The following CBX3 variants were observed in gnomAD, a reference collection of about 807,000 sequenced individuals.
The protein encoded by CBX3 is chromobox 3.
In CBX3, 5 loss-of-function variants were observed where a neutral mutation model predicts 22.6. The observed-to-expected ratio is 0.22, with a 90% CI of 0.12 to 0.47. The LOEUF is 0.47. CBX3 is among the 20% of genes least tolerant of loss of function. CBX3 has a pLI of 0.99. For synonymous variants in CBX3, 50 were observed against 66.6 expected (o/e 0.75, Z 1.21); for missense variants, 83 against 208.1 (o/e 0.40, Z 3.70).
At chr7:26,202,858 T>C in intron 1 of CBX3, 113 bp from the exon 2 acceptor site, 1 of 750,106 alleles carries the variant, frequency 1.3e-6, no homozygotes, top group Non-Finnish European at 2.4e-6. Flanking sequence ...GGATTTGTAT[T>C]CACGTTTGAA....
In CBX3 at chr7:26,208,490, A is replaced by G. The variant is rs1409530392; in HGVS notation, c.265A>G (p.Thr89Ala). Residue 89 changes from threonine to alanine, a missense_variant, in exon 4 of 6, where the codon ACA becomes GCA. Physicochemically the swap from Thr to Ala is moderately conservative, Grantham distance 58 (BLOSUM62 0). Transcript: ENST00000396386. ...SQKAGKEKDG[T>A]KRKSLSDSES... is the part of the protein sequence containing the mutation. ...GAAAGCTGGCAAAGAAAAAGATGGT[A>G]CAAAAAGAAAATCTTTATCTGACAG... 1 of 1,613,826 alleles carries G rather than the reference A, an allele frequency of 6.2e-7. No homozygotes were observed. The highest frequency in any genetic ancestry group is 8.5e-7 in the Non-Finnish European group (1 of 1,179,844).
chr7:26,208,951 T>TCC (rs1361168301), intron 4 of CBX3, among the ~76,000 whole-genome samples: 2 of 117,838 alleles, frequency 1.7e-5, no homozygotes, highest in African/African-American at 7.2e-5. Context: ...TTTTTTTTTT[T>TCC]CCTGGGAGAC....
intron 4 of CBX3, among the ~76,000 whole-genome samples, chr7:26,209,452 T>C (rs1784757428): frequency 6.6e-6 from 1 of 152,126 alleles, no homozygotes; most frequent in South Asian, 2.1e-4. Context: ...ATACAAACAA[T>C]ACTAAGATTG....
rs971562271 is a variant in CBX3, at chr7:26,213,032, A to C, written c.*824A>C. On this transcript the variant is annotated 3_prime_UTR_variant, in exon 6 of 6. Coordinates refer to ENST00000396386, the MANE Select transcript of CBX3 (RefSeq NM_016587.4). ...AAAATGTTGGAATCCCTGTTGCTACATTGACTAAAAGGTCATGATGAATGG... is the reference window on the plus strand; with the variant it reads ...AAAATGTTGGAATCCCTGTTGCTACCTTGACTAAAAGGTCATGATGAATGG... 6.6e-6 allele frequency: 1 copy of C among 152,298 alleles called. No individual in the cohort carries two copies. Among genetic ancestry groups the C allele is most frequent in the Non-Finnish European group, 1.5e-5 (1 of 68,054 alleles). 9.4% of individuals were successfully genotyped at this position (152,298 alleles called of 1,614,324 possible).
chr7:26,208,359 A>G (rs372413972), intron 3 of CBX3, 34 bp from the exon 4 acceptor site: 13 of 1,460,154 alleles, frequency 8.9e-6, no homozygotes, highest in Middle Eastern at 1.8e-4. Context: ...ATTTAATTCA[A>G]TCACCTTTTT....
At position 26,207,754 on chromosome 7, in the gene CBX3, G is replaced by A. The variant is rs138800614; in HGVS notation, c.168-639G>A. Among the ~76,000 whole-genome samples, 166 of 152,144 alleles carry A rather than the reference G, an allele frequency of 1.1e-3. 1 individual carries two copies. The highest frequency in any genetic ancestry group is 3.9e-3 in the African/African-American group (162 of 41,510). Reference sequence around the variant, plus strand: ...GCTGATCCCAAACTCCTGACCTCAAGTGATCCACCTGCCTTGGCCTCCCAA... The same window carrying A: ...GCTGATCCCAAACTCCTGACCTCAAATGATCCACCTGCCTTGGCCTCCCAA... On this transcript the variant is annotated intron_variant, in intron 3 of 5. Transcript: ENST00000396386.
At chr7:26,209,709 G>A (rs1562747904) in intron 4 of CBX3, among the ~76,000 whole-genome samples, 1 of 151,964 alleles carries the variant, frequency 6.6e-6, no homozygotes, top group Non-Finnish European at 1.5e-5. Flanking sequence ...ATGTCTCTGT[G>A]GCGTCAGGCA....
intron 2 of CBX3, among the ~76,000 whole-genome samples, chr7:26,204,623 C>T (rs1051538419): frequency 6.6e-6 from 1 of 152,134 alleles, no homozygotes. Context: ...GTCTTGAGGC[C>T]TTTCTTACAT....
At chr7:26,203,069 T>G (rs1483914304) in intron 2 of CBX3, 47 bp downstream of exon 2, 1 of 1,281,590 alleles carries the variant, frequency 7.8e-7, no homozygotes, top group Non-Finnish European at 1.1e-6. Context: ...ACTCAAGTTT[T>G]TTTTCCCCAC....
intron 2 of CBX3, among the ~76,000 whole-genome samples, chr7:26,203,515 G>A (rs1306335672): frequency 6.6e-6 from 1 of 151,856 alleles, no homozygotes; most frequent in African/African-American, 2.4e-5. Context: ...CTAAAACATA[G>A]AAGAATATTA....
intron 1 of CBX3, 125 bp from the exon 2 acceptor site, chr7:26,202,846 C>G (rs1457320544): frequency 4.1e-6 from 3 of 724,996 alleles, no homozygotes. Flanking sequence ...CAGATCTACT[C>G]TGGATTTGTA....
chr7:26,205,383 G>A (rs930059600), intron 2 of CBX3, among the ~76,000 whole-genome samples: 4 of 152,036 alleles, frequency 2.6e-5, no homozygotes, highest in African/African-American at 9.7e-5. Context: ...TTTCACCTTA[G>A]GGAATTAAAA....
chr7:26,203,854 A>G (rs1784608980), intron 2 of CBX3, among the ~76,000 whole-genome samples: 1 of 152,166 alleles, frequency 6.6e-6, no homozygotes, highest in Non-Finnish European at 1.5e-5. Context: ...TTGTGCCATC[A>G]TTAGATTCTG....
At chr7:26,208,296 T>C in intron 3 of CBX3, 97 bp from the exon 4 acceptor site, 1 of 1,028,570 alleles carries the variant, frequency 9.7e-7, no homozygotes, top group Non-Finnish European at 1.4e-6. Context: ...CAGAGGACTT[T>C]TTATTCCCCC....
Position 26,212,920 on chromosome 7 carries a change from T to C in CBX3, c.*712T>C, listed in dbSNP as rs1005455099. 6.6e-6 allele frequency: 1 copy of C among 152,286 alleles called. No homozygotes were observed. The highest frequency in any genetic ancestry group is 2.4e-5 in the African/African-American group (1 of 41,474). The allele number at this position is 152,286 out of a possible 1,614,324, so 9.4% of individuals were successfully genotyped here. On this transcript the variant is annotated 3_prime_UTR_variant, in exon 6 of 6. Coordinates refer to ENST00000396386, the MANE Select transcript of CBX3 (RefSeq NM_016587.4). ...GGTTTCCTCATCCAGATGAGGAAAC[T>C]AGACAAATGCTAGTGTGTTTTAACT... is the stretch of plus-strand genomic sequence containing the variant.
chr7:26,204,969 A>G (rs1784641400), intron 2 of CBX3, among the ~76,000 whole-genome samples: 1 of 152,062 alleles, frequency 6.6e-6, no homozygotes, highest in Non-Finnish European at 1.5e-5. Flanking sequence ...TTGTATTTTT[A>G]GTAGAAACGG....
At chr7:26,205,323 T>G (rs1425959572) in intron 2 of CBX3, among the ~76,000 whole-genome samples, 14 of 152,228 alleles carry the variant, frequency 9.2e-5, no homozygotes, top group Non-Finnish European at 2.1e-4. Flanking sequence ...TAAAGTGAAT[T>G]TGGTTACCAG....
chr7:26,202,784 A>T (rs1165743795), intron 1 of CBX3, 187 bp from the exon 2 acceptor site: 2 of 568,448 alleles, frequency 3.5e-6, no homozygotes, highest in Non-Finnish European at 6.2e-6. Context: ...TTCTAGACTC[A>T]CATGGTTAGG....
At chr7:26,202,896 A>C (rs1373479464) in intron 1 of CBX3, 75 bp from the exon 2 acceptor site, 2 of 915,570 alleles carry the variant, frequency 2.2e-6, no homozygotes, top group African/African-American at 1.7e-5. Context: ...GGGGGTTGGA[A>C]TCCAAACAGA....
Sources: gnomAD v4.1 joint callset for allele counts (sites outside exome capture counted in the v4.1 genomes callset) on GRCh38, gnomAD v4.1.1 for gene constraint, MANE v1.5 for transcripts, NCBI Gene and HGNC (gene_info 2026-07-23, HGNC 2026-07-21) for gene names.